Variants in MINK1 observed in about 807,000 individuals in gnomAD.
MINK1 encodes misshapen-like kinase 1.
In MINK1, 46 loss-of-function variants were observed where a neutral mutation model predicts 178.4. The ratio of observed to expected loss-of-function variants is 0.26; its 90% confidence interval spans 0.20 to 0.33. The LOEUF is 0.33. Ranked by LOEUF, MINK1 falls within the 10% of genes least tolerant of loss-of-function variation. The pLI, the probability that MINK1 is intolerant of heterozygous loss-of-function variation, is 1.00. For synonymous variants in MINK1, 797 were observed against 709.7 expected, an observed-to-expected ratio of 1.12 and a Z score of -1.96; for missense variants, 1,366 against 1,814.9, an observed-to-expected ratio of 0.75 and a Z score of 4.49.
Position 4,847,060 on chromosome 17 carries a change from G to A in MINK1, c.57+13420G>A, listed in dbSNP as rs1001716116. On this transcript the variant is annotated intron_variant, in intron 1 of 31. Transcript: ENST00000355280. The stretch of plus-strand genomic sequence containing the variant: ...ATACCTGCTACTGCCCGGATCTCCT[G>A]TCCTGGCCTCATAACCTCCTCAGGT... The A allele has an allele frequency of 2.3e-4, 100 of 426,938 alleles. 3 individuals carry two copies. Among genetic ancestry groups the A allele is most frequent in the South Asian group, 1.4e-3 (85 of 59,716 alleles). 26.4% of individuals were successfully genotyped at this position (426,938 alleles called of 1,614,324 possible). A position where few individuals can be genotyped will look rare whatever the true frequency, so the allele number is the denominator to read the frequency against.
At chr17:4,838,482 GC>G (rs967973101) in intron 1 of MINK1, among the ~76,000 whole-genome samples, 15 of 152,218 alleles carry the variant, frequency 9.9e-5, no homozygotes, top group African/African-American at 3.6e-4. Flanking sequence ...TTCACATCTG[GC>G]CTCCATTCCT....
intron 1 of MINK1, among the ~76,000 whole-genome samples, chr17:4,850,656 G>A (rs531905238): frequency 6.6e-6 from 1 of 151,962 alleles, no homozygotes; most frequent in Admixed American, 6.6e-5. Context: ...GCCTGTCATT[G>A]GTCTTCTGGA....
chr17:4,844,364 T>C (rs979477441), intron 1 of MINK1, among the ~76,000 whole-genome samples: 1 of 152,164 alleles, frequency 6.6e-6, no homozygotes, highest in African/African-American at 2.4e-5. Context: ...TTTGTGGGCT[T>C]ACTGAGGACT....
In MINK1 at chr17:4,892,406, C is replaced by T. The variant is rs541300004; in HGVS notation, c.2092C>T (p.Arg698Cys). ...RPAQAVRARP[R>C]SNSAWQIYLQ... is the part of the protein sequence containing the mutation. ...ACCCCTGTGCTCCCTTCACAGACCT[C>T]GCAGCAACTCCGCCTGGCAAATCTA... Residue 698 changes from arginine to cysteine, a missense_variant, in exon 18 of 32, where the codon CGC (arginine) becomes TGC (cysteine). Physicochemically the swap from Arg to Cys is radical, Grantham distance 180. Transcript: ENST00000355280. 9.6e-6 allele frequency: 15 copies of T among 1,554,844 alleles called. No homozygotes were observed. Among genetic ancestry groups the T allele is most frequent in the African/African-American group, 1.4e-5 (1 of 73,020 alleles).
rs372348825 is a variant in MINK1 at position 4,896,522 on chromosome 17, G to A, written c.3709G>A (p.Val1237Ile). Residue 1237 changes from valine (V) to isoleucine (I), a missense_variant, in exon 30 of 32, where the codon GTC becomes ATC. By Grantham distance (29) the Val-to-Ile change is conservative. Coordinates refer to ENST00000355280, the MANE Select transcript of MINK1 (RefSeq NM_153827.5). This position sits in a 1 kb window ranked among gnomAD's most constrained non-coding sequence, Gnocchi z 4.6. The part of the protein sequence containing the change: ...LLCYEDEGVY[V>I]NTYGRIIKDV... ...GTGCTACGAGGACGAGGGTGTCTAC[G>A]TCAACACGTACGGGCGCATCATTAA... 29 of 1,613,854 alleles carry A rather than the reference G, an allele frequency of 1.8e-5. No homozygotes were observed. Among genetic ancestry groups the A allele is most frequent in the East Asian group, 1.1e-4 (5 of 44,892 alleles).
intron 1 of MINK1, among the ~76,000 whole-genome samples, chr17:4,877,034 G>C (rs1411662004): frequency 6.6e-6 from 1 of 151,842 alleles, no homozygotes; most frequent in Non-Finnish European, 1.5e-5. Context: ...GCTGCAGTGA[G>C]CTGTGATTGT....
Position 4,896,768 on chromosome 17 carries a change from C to A in MINK1, c.3870C>A (p.His1290Gln). 6.3e-7 allele frequency: 1 copy of A among 1,590,512 alleles called. No homozygotes were observed. Among genetic ancestry groups the A allele is most frequent in the South Asian group, 1.1e-5 (1 of 87,418 alleles). Reference sequence around the variant, plus strand: ...GCCACCTCGACGGGGTCTTCATGCACAAACGAGCTCAGAGGCTCAAGTTCC... The same window carrying A: ...GCCACCTCGACGGGGTCTTCATGCAAAAACGAGCTCAGAGGCTCAAGTTCC... ...ETGHLDGVFMHKRAQRLKFLC... is the reference protein window; with the variant it reads ...ETGHLDGVFMQKRAQRLKFLC... Residue 1290 changes from histidine (H) to glutamine (Q), a missense_variant, in exon 31 of 32, where the codon CAC (histidine) becomes CAA (glutamine). Coordinates refer to ENST00000355280, the MANE Select transcript of MINK1 (RefSeq NM_153827.5). This position sits in a 1 kb window ranked among gnomAD's most constrained non-coding sequence, Gnocchi z 4.6.
At chr17:4,897,048 G>C (rs1969598331) in intron 31 of MINK1, 156 bp from the exon 32 acceptor site, 1 of 869,744 alleles carries the variant, frequency 1.1e-6, no homozygotes, top group Non-Finnish European at 1.8e-6. Context: ...ATCCCAGCCT[G>C]CCTTTCCTCC....
intron 12 of MINK1, 65 bp from the exon 13 acceptor site, chr17:4,889,582 C>A: frequency 7.4e-7 from 1 of 1,354,938 alleles, no homozygotes; most frequent in Non-Finnish European, 1.0e-6. Flanking sequence ...CCTCCCTGTC[C>A]ATGGAGGGGC....
rs763207355 is a variant in MINK1 at position 4,895,499 on chromosome 17, G to C, written c.3229+6G>C. The C allele has an allele frequency of 5.7e-6, 9 of 1,571,200 alleles. No individual in the cohort carries two copies. The highest frequency in any genetic ancestry group is 7.8e-6 in the Non-Finnish European group (9 of 1,155,992). ...CCTGCTCATCACCATCTCAGGTACA[G>C]GTGTGGTGAGTGGGGGAGGGAGGAG... On this transcript the variant is annotated splice_donor_region_variant and intron_variant, in intron 26 of 31. Coordinates refer to ENST00000355280, the MANE Select transcript of MINK1 (RefSeq NM_153827.5). This position sits in a 1 kb window ranked among gnomAD's most constrained non-coding sequence, Gnocchi z 4.3.
In MINK1 at chr17:4,862,544, A is replaced by C. The variant is rs558771490; in HGVS notation, c.58-15773A>C. On this transcript the variant is annotated intron_variant, in intron 1 of 31. Transcript: ENST00000355280. ...GTGGCGGGCACCTGTAATCCTAGCT[A>C]CTGGGAGGCTGAGGCAGGAGAACTG... Among the ~76,000 whole-genome samples the C allele has an allele frequency of 3.9e-5, 6 of 152,156 alleles. No homozygotes were observed. In the South Asian group the frequency reaches 1.2e-3, roughly 32 times the overall value.
In MINK1 at chr17:4,895,567, G is replaced by A. The variant is rs57655316; in HGVS notation, c.3229+74G>A. On this transcript the variant is annotated intron_variant, in intron 26 of 31. Coordinates refer to ENST00000355280, the MANE Select transcript of MINK1 (RefSeq NM_153827.5). The surrounding 1 kb of genome is among the most constrained non-coding windows in gnomAD (Gnocchi z 4.3). ...GCTGTCACCATCTTCTGCCTGGGAG[G>A]AGGGCAGGCACTGGAAGGTGGGGCC... The A allele has an allele frequency of 7.2e-3, 11,226 of 1,548,554 alleles. 263 individuals carry two copies. The highest frequency in any genetic ancestry group is 0.072 in the African/African-American group (5,312 of 73,924).
In MINK1 at chr17:4,895,863, A is replaced by G. The variant is rs1324098793; in HGVS notation, c.3364+31A>G. 6.8e-6 allele frequency: 11 copies of G among 1,607,270 alleles called. No homozygotes were observed. The highest frequency in any genetic ancestry group is 3.3e-4 in the Middle Eastern group (2 of 6,048). ...GATGTCCCAACAGAGTGGCCAGCGC[A>G]TACTTGTTCATGAAGAGAGAAATGG... On this transcript the variant is annotated intron_variant, in intron 27 of 31. Coordinates refer to ENST00000355280, the MANE Select transcript of MINK1 (RefSeq NM_153827.5). This position sits in a 1 kb window ranked among gnomAD's most constrained non-coding sequence, Gnocchi z 4.3.
At chr17:4,851,764 G>T (rs1807765715) in intron 1 of MINK1, among the ~76,000 whole-genome samples, 1 of 152,058 alleles carries the variant, frequency 6.6e-6, no homozygotes, top group African/African-American at 2.4e-5. Flanking sequence ...ACTTTAGGAG[G>T]CCAAGGTGGG....
rs762957148 is a variant in MINK1, at chr17:4,895,542, G to T, written c.3229+49G>T. ...GGGAGGAGGGGCTCAGCTCCTTGGC[G>T]CTGTCACCATCTTCTGCCTGGGAGG... On this transcript the variant is annotated intron_variant, in intron 26 of 31. Coordinates refer to ENST00000355280, the MANE Select transcript of MINK1 (RefSeq NM_153827.5). The surrounding 1 kb of genome is among the most constrained non-coding windows in gnomAD (Gnocchi z 4.3). 1 of 1,553,024 alleles carries T rather than the reference G, an allele frequency of 6.4e-7. No individual in the cohort carries two copies. Among genetic ancestry groups the T allele is most frequent in the Non-Finnish European group, 8.7e-7 (1 of 1,145,964 alleles).
intron 1 of MINK1, among the ~76,000 whole-genome samples, chr17:4,874,217 G>A (rs1030816116): frequency 9.2e-5 from 14 of 152,134 alleles, no homozygotes; most frequent in Admixed American, 9.2e-4. Flanking sequence ...TGTCTAATTC[G>A]GGAGTTATTA....
chr17:4,892,619 C>G, intron 18 of MINK1, 37 bp from the exon 19 acceptor site: 1 of 1,555,246 alleles, frequency 6.4e-7, no homozygotes, highest in Non-Finnish European at 8.8e-7. Context: ...GAAGGGAGCA[C>G]CGTGCCTCCC....
rs1465459872 is a variant in MINK1, at chr17:4,860,660, G to A, written c.58-17657G>A. The A allele has an allele frequency of 3.3e-5, 17 of 513,092 alleles. 1 individual carries two copies. Among genetic ancestry groups the A allele is most frequent in the Admixed American group, 2.4e-4 (12 of 50,428 alleles). The allele number at this position is 513,092 out of a possible 1,614,324, so 31.8% of individuals were successfully genotyped here. A position where few individuals can be genotyped will look rare whatever the true frequency, so the allele number is the denominator to read the frequency against. On this transcript the variant is annotated intron_variant, in intron 1 of 31. Coordinates refer to ENST00000355280, the MANE Select transcript of MINK1 (RefSeq NM_153827.5). ...CTAGTTTTTCCTCCAGGTAGGAGCT[G>A]TGGGAGGAGTCCAGGGAGTCCCTTG...
chr17:4,844,508 C>G (rs1194686925), intron 1 of MINK1: 1 of 475,076 alleles, frequency 2.1e-6, no homozygotes. Flanking sequence ...AGATCTGTGT[C>G]TTAATAGAGG....
Sources: gnomAD v4.1 joint callset for allele counts (sites outside exome capture counted in the v4.1 genomes callset) on GRCh38, gnomAD v4.1.1 for gene constraint, Gnocchi (gnomAD v3.1) non-coding constraint, MANE v1.5 for transcripts, NCBI Gene and HGNC (gene_info 2026-07-23, HGNC 2026-07-21) for gene names.